The following NRL variants were observed in gnomAD, a reference collection of about 807,000 sequenced individuals.
The protein encoded by NRL is neural retina leucine zipper, also known as neural retina-specific leucine zipper protein.
A neutral mutation model predicts 12.5 loss-of-function variants in NRL; 16 were observed. The observed-to-expected ratio is 1.28, with a 90% CI of 0.87 to 1.95. The LOEUF (loss-of-function observed/expected upper bound fraction) is 1.95, where lower values mean the gene tolerates loss of function less well. Among genes scored for constraint, NRL ranks in the 30% most tolerant of loss-of-function variants. The probability of loss-of-function intolerance (pLI) is 0.00; values close to 1 mark genes in which losing one functional copy is unlikely to be tolerated. For synonymous variants in NRL, 142 were observed against 150.9 expected (o/e 0.94, Z 0.43); for missense variants, 314 against 325.8 (o/e 0.96, Z 0.28).
rs2036449305 is a variant in NRL at position 24,085,690 on chromosome 14, G to T, written c.-27-2815C>A. 6.6e-6 allele frequency among the ~76,000 whole-genome samples: 1 copy of T among 152,154 alleles called. No individual in the cohort carries two copies. Among genetic ancestry groups the T allele is most frequent in the Admixed American group, 6.5e-5 (1 of 15,276 alleles). On this transcript the variant is annotated intron_variant, in intron 1 of 2. Coordinates refer to ENST00000561028, the MANE Select transcript of NRL (RefSeq NM_001354768.3). The surrounding 1 kb of genome is among the most constrained non-coding windows in gnomAD (Gnocchi z 4.1). ...CCTGGGTGTCCATCAGACCCCAAAG[G>T]TCATCACTTATAAAACTTAACCTGG...
intron 1 of NRL, chr14:24,103,176 C>G (rs140725571): frequency 2.5e-6 from 4 of 1,613,460 alleles, no homozygotes; most frequent in Non-Finnish European, 3.4e-6. Flanking sequence ...CCCTGGTATA[C>G]GAGGCCTTCA....
chr14:24,081,649 C>T lies in NRL; in HGVS notation c.382-81G>A. On this transcript the variant is annotated intron_variant, in intron 2 of 2. Transcript: ENST00000561028. The surrounding 1 kb of genome is among the most constrained non-coding windows in gnomAD (Gnocchi z 4.4). ...CTGAGGGCCCGACGCTACCTGGCTC[C>T]GCCCCGGGACAGCCCCGCCCCGGCT... 6 of 1,536,216 alleles carry T rather than the reference C, an allele frequency of 3.9e-6. No individual in the cohort carries two copies. Among genetic ancestry groups the T allele is most frequent in the Non-Finnish European group, 5.3e-6 (6 of 1,140,586 alleles).
In NRL at chr14:24,082,742, G is replaced by C. The variant is rs1166062145; in HGVS notation, c.107C>G (p.Thr36Arg). 1 of 1,614,212 alleles carries C rather than the reference G, an allele frequency of 6.2e-7. No individual in the cohort carries two copies. Among genetic ancestry groups the C allele is most frequent in the Admixed American group, 1.7e-5 (1 of 60,026 alleles). Residue 36 changes from threonine to arginine, a missense_variant, in exon 2 of 3, where the codon ACA (threonine) becomes AGA (arginine). Coordinates refer to ENST00000561028, the MANE Select transcript of NRL (RefSeq NM_001354768.3). ...EPSEGRPGPP[T>R]ASLGSTPYSS... ...GTAAGGTGTGGAGCCCAGTGAGGCT[G>C]TAGGGGGGCCAGGTCGGCCCTCAGA... is the stretch of plus-strand genomic sequence containing the variant.
intron 1 of NRL, chr14:24,103,839 A>G (rs199536894): frequency 6.2e-7 from 1 of 1,614,050 alleles, no homozygotes; most frequent in Admixed American, 1.7e-5. Flanking sequence ...CTCCCTCCCC[A>G]AGGACTTCTG....
intron 2 of NRL, 79 bp downstream of exon 2, chr14:24,082,389 C>G: frequency 6.3e-7 from 1 of 1,584,414 alleles, no homozygotes; most frequent in East Asian, 2.2e-5. Context: ...ATAACCCCCT[C>G]TGGGAGCTCC....
intron 1 of NRL, chr14:24,084,722 A>G: frequency 1.0e-6 from 1 of 985,410 alleles, no homozygotes; most frequent in Non-Finnish European, 1.2e-6. Context: ...TAAGGTAAGG[A>G]GATCATTTGC....
intron 1 of NRL, among the ~76,000 whole-genome samples, chr14:24,109,681 G>C (rs895037292): frequency 1.4e-5 from 2 of 144,786 alleles, no homozygotes; most frequent in Non-Finnish European, 3.0e-5. Context: ...CTGGGTGACA[G>C]AGCAAGACTC....
At position 24,084,609 on chromosome 14, in the gene NRL, G is replaced by C. The variant is rs571423416; in HGVS notation, c.-27-1734C>G. On this transcript the variant is annotated intron_variant, in intron 1 of 2. Coordinates refer to ENST00000561028, the MANE Select transcript of NRL (RefSeq NM_001354768.3). The stretch of plus-strand genomic sequence containing the variant: ...TGAAGGCTCCATGGAGCAGGGCCTG[G>C]TGCCTCTGCTCAGCTCCAGGGGGCT... The C allele has an allele frequency of 5.3e-5, 52 of 985,454 alleles. No homozygotes were observed. The East Asian group carries it at 1.9e-3, about 37-fold the overall frequency. 61.0% of individuals were successfully genotyped at this position (985,454 alleles called of 1,614,324 possible).
chr14:24,091,771 ACATTT>A (rs1411233268), intron 1 of NRL, among the ~76,000 whole-genome samples: 1 of 152,212 alleles, frequency 6.6e-6, no homozygotes, highest in East Asian at 1.9e-4. Flanking sequence ...AACAATTAGA[ACATTT>A]CATTCATAAT....
At chr14:24,091,119 CTGTGTGTGTGTGTGTGTGTGTGTGTGTG>C (rs55656236) in intron 1 of NRL, among the ~76,000 whole-genome samples, 1 of 138,642 alleles carries the variant, frequency 7.2e-6, no homozygotes, top group Non-Finnish European at 1.6e-5. Flanking sequence ...CAGAAAAGGC[CTGTGTGTGTGTGTGTGTGTGTGTGTGTG>C]TGTGTGTGTG....
chr14:24,102,709 C>T lies in NRL; in HGVS notation c.-28+12013G>A, dbSNP rs367927444. On this transcript the variant is annotated intron_variant, in intron 1 of 2. Transcript: ENST00000561028. ...GCCCATGTATGTGTGTGTTGGGGGT[C>T]GACATGACCTTGGAAATAATAGTGT... 5.7e-6 allele frequency: 9 copies of T among 1,575,864 alleles called. No homozygotes were observed. In the African/African-American group the frequency reaches 8.2e-5, roughly 14 times the overall value.
intron 1 of NRL, among the ~76,000 whole-genome samples, chr14:24,105,465 T>C (rs2037322826): frequency 6.6e-6 from 1 of 152,254 alleles, no homozygotes; most frequent in African/African-American, 2.4e-5. Context: ...TTTGGGGGAA[T>C]TACCATTTTA....
chr14:24,084,422 G>C (rs761009321), intron 1 of NRL: 2 of 406,302 alleles, frequency 4.9e-6, no homozygotes, highest in Non-Finnish European at 6.7e-6. Context: ...GGGTACCAAG[G>C]TGTTAGGATT....
At chr14:24,112,409 A>C (rs1328640859) in intron 1 of NRL, among the ~76,000 whole-genome samples, 2 of 150,778 alleles carry the variant, frequency 1.3e-5, no homozygotes, top group Admixed American at 6.6e-5. Context: ...GCTTCTGCAC[A>C]GCAAAAGAAA....
Position 24,096,768 on chromosome 14 carries a change from CT to C in NRL, c.-27-13894del, listed in dbSNP as rs750457268. Reference sequence around the variant, plus strand: ...TCCCACACACCAACTGCAACCTGCTCTTCATGGTCCCTGCATGCAGACATGT... The same window carrying C: ...TCCCACACACCAACTGCAACCTGCTCTCATGGTCCCTGCATGCAGACATGT... On this transcript the variant is annotated intron_variant, in intron 1 of 2. Coordinates refer to ENST00000561028, the MANE Select transcript of NRL (RefSeq NM_001354768.3). 73 of 816,886 alleles carry C rather than the reference CT, an allele frequency of 8.9e-5. No individual in the cohort carries two copies. The East Asian group carries it at 1.4e-3, about 16-fold the overall frequency. The allele number at this position is 816,886 out of a possible 1,614,324, so 50.6% of individuals were successfully genotyped here.
intron 1 of NRL, chr14:24,084,533 G>A (rs2036417652): frequency 5.1e-6 from 5 of 985,302 alleles, no homozygotes; most frequent in East Asian, 2.3e-4. Context: ...AGAAATGGCC[G>A]AGAGGATGTG....
In NRL at chr14:24,081,157, T is replaced by C. The variant is rs752674088; in HGVS notation, c.*79A>G. 5 of 1,039,882 alleles carry C rather than the reference T, an allele frequency of 4.8e-6. No homozygotes were observed. Among genetic ancestry groups the C allele is most frequent in the Admixed American group, 4.0e-5 (1 of 24,956 alleles). The allele number at this position is 1,039,882 out of a possible 1,614,324, so 64.4% of individuals were successfully genotyped here. ...GGACCAGAAGGCGCTCTGGTAACGA[T>C]GCAGAGAACCGTGCAGCCGCCTCCT... On this transcript the variant is annotated 3_prime_UTR_variant, in exon 3 of 3. Transcript: ENST00000561028. This position sits in a 1 kb window ranked among gnomAD's most constrained non-coding sequence, Gnocchi z 4.4.
chr14:24,097,441 G>A (rs958377404), intron 1 of NRL, among the ~76,000 whole-genome samples: 2 of 151,408 alleles, frequency 1.3e-5, no homozygotes, highest in East Asian at 2.0e-4. Flanking sequence ...GCGCATGCCT[G>A]TAATCCCAGC....
chr14:24,103,577 G>A (rs755925235), intron 1 of NRL: 4 of 1,600,480 alleles, frequency 2.5e-6, no homozygotes, highest in Middle Eastern at 1.7e-4. Context: ...GGCACTACCT[G>A]GAACACTGGC....
Sources: allele counts gnomAD v4.1 joint callset (sites outside exome capture counted in the v4.1 genomes callset), GRCh38; gene constraint gnomAD v4.1.1; non-coding constraint Gnocchi (gnomAD v3.1); transcripts MANE v1.5; gene names NCBI Gene and HGNC (gene_info 2026-07-23, HGNC 2026-07-21).